BAZ2A: variants seen among roughly 807,000 people sequenced by gnomAD.
BAZ2A encodes bromodomain adjacent to zinc finger domain protein 2A.
A neutral mutation model predicts 199.9 loss-of-function variants in BAZ2A; 34 were observed. The ratio of observed to expected loss-of-function variants is 0.17; its 90% CI spans 0.13 to 0.23. The LOEUF (loss-of-function observed/expected upper bound fraction) is 0.23. Ranked by LOEUF, BAZ2A falls within the 10% of genes least tolerant of loss-of-function variation. The pLI, the probability that BAZ2A is intolerant of heterozygous loss-of-function variation, is 1.00. For synonymous variants in BAZ2A, 857 were observed against 883.9 expected (o/e 0.97, Z 0.54); for missense variants, 2,002 against 2,391.1 (o/e 0.84, Z 3.39).
Position 56,617,677 on chromosome 12 carries a change from A to G in BAZ2A, c.-2-145T>C, listed in dbSNP as rs997466866. On this transcript the variant is annotated intron_variant, in intron 1 of 28. Transcript: ENST00000549884. ...TACTGTGTGAGGGAAGGTACAGAAT[A>G]AGAAAAGAGAAGGAGAAAATATGCC... is the stretch of plus-strand genomic sequence containing the variant. The G allele has an allele frequency of 5.0e-5, 44 of 882,140 alleles. 1 individual carries two copies. In the Admixed American group the frequency reaches 6.5e-4, roughly 13 times the overall value. The allele number at this position is 882,140 out of a possible 1,614,324, so 54.6% of individuals were successfully genotyped here. A position where few individuals can be genotyped will look rare whatever the true frequency, so the allele number is the denominator to read the frequency against.
In BAZ2A at chr12:56,613,496, G is replaced by A. The variant is rs569229292; in HGVS notation, c.917-263C>T. Reference sequence around the variant, plus strand: ...AAGACCAGCCTGGACAACATAGCAAGACCTCATCTCTACAAGGTGAAAATG... The same window carrying A: ...AAGACCAGCCTGGACAACATAGCAAAACCTCATCTCTACAAGGTGAAAATG... On this transcript the variant is annotated intron_variant, in intron 4 of 28. Transcript: ENST00000549884. Among the ~76,000 whole-genome samples, 8 of 152,262 alleles carry A rather than the reference G, an allele frequency of 5.3e-5. 1 individual carries two copies. In the South Asian group the frequency reaches 1.7e-3, roughly 32 times the overall value.
At chr12:56,610,356 G>A in intron 8 of BAZ2A, 53 bp downstream of exon 8, 3 of 1,590,910 alleles carry the variant, frequency 1.9e-6, no homozygotes. Flanking sequence ...TTGGGCAGTG[G>A]AAAGGAGTCC....
intron 10 of BAZ2A, among the ~76,000 whole-genome samples, chr12:56,609,484 C>A (rs1316879296): frequency 1.3e-5 from 2 of 152,216 alleles, no homozygotes; most frequent in Non-Finnish European, 2.9e-5. Flanking sequence ...GTCCTCTCCT[C>A]TGGGCTAAAC....
intron 10 of BAZ2A, among the ~76,000 whole-genome samples, chr12:56,607,526 C>T (rs1306101828): frequency 1.3e-5 from 2 of 152,262 alleles, no homozygotes; most frequent in Admixed American, 1.3e-4. Context: ...CGCGTGCCAC[C>T]ACGCCCAGTT....
chr12:56,611,596 T>C lies in BAZ2A; in HGVS notation c.1647A>G (p.Glu549=). The C allele has an allele frequency of 6.2e-7, 1 of 1,613,166 alleles. No homozygotes were observed. Among genetic ancestry groups the C allele is most frequent in the Non-Finnish European group, 8.5e-7 (1 of 1,179,598 alleles). ...VMRRRIATPE[E]VRLPLQHGWR... is the part of the protein sequence containing the mutation. ...ACCCATGTTGGAGGGGAAGACGAACTTCTTCTGGGGTAGCAATACGTCTCC... is the reference window on the plus strand; with the variant it reads ...ACCCATGTTGGAGGGGAAGACGAACCTCTTCTGGGGTAGCAATACGTCTCC... Residue 549 remains glutamate (E), a synonymous_variant, in exon 7 of 29, where the codon GAA becomes GAG. Coordinates refer to ENST00000549884, the MANE Select transcript of BAZ2A (RefSeq NM_001300905.2).
chr12:56,634,819 G>A, upstream of BAZ2A: 8 of 831,808 alleles, frequency 9.6e-6, no homozygotes, highest in Non-Finnish European at 1.2e-5. Context: ...GGGGAGAGAG[G>A]AAGGGCAGCT....
rs56185332 is a variant in BAZ2A, at chr12:56,597,562, G to GCACACACACACACACACACACA, written c.*1055_*1056insTGTGTGTGTGTGTGTGTGTGTG. On this transcript the variant is annotated 3_prime_UTR_variant, in exon 29 of 29. Coordinates refer to ENST00000549884, the MANE Select transcript of BAZ2A (RefSeq NM_001300905.2). ...TCAAACAATACAGGGTCACAAGCAC[G>GCACACACACACACACACACACA]CACACACACACACACACACAGCGCG... 40 of 138,716 alleles carry GCACACACACACACACACACACA rather than the reference G, an allele frequency of 2.9e-4. 2 individuals are homozygous for GCACACACACACACACACACACA. Among genetic ancestry groups the GCACACACACACACACACACACA allele is most frequent in the Middle Eastern group, 3.5e-3 (1 of 288 alleles). 8.6% of individuals were successfully genotyped at this position (138,716 alleles called of 1,614,324 possible).
In BAZ2A at chr12:56,614,085, G is replaced by C. The variant is rs1407175776; in HGVS notation, c.784C>G (p.Gln262Glu). ...GSVPSVESLH[Q>E]EVSVLVPDPT... ...TCAGGGACCAGGACTGAGACCTCTT[G>C]GTGTAACGATTCCACAGAAGGGACA... The change falls in exon 4 of 29, where the codon CAA (glutamine) becomes GAA (glutamate). Residue 262 changes from glutamine to glutamate, a missense_variant. Gln to Glu is a conservative substitution (Grantham distance 29). Around this residue, in one of 6 missense-constraint regions of BAZ2A, gnomAD observed 641 missense variants for 694.5 expected, o/e 0.92. Transcript: ENST00000549884. The C allele has an allele frequency of 1.9e-6, 3 of 1,613,826 alleles. No individual in the cohort carries two copies. In the Admixed American group the frequency reaches 5.0e-5, roughly 27 times the overall value.
chr12:56,600,791 C>T lies in BAZ2A; in HGVS notation c.4492G>A (p.Gly1498Arg), dbSNP rs376675193. 1.2e-6 allele frequency: 2 copies of T among 1,613,928 alleles called. No individual in the cohort carries two copies. Among genetic ancestry groups the T allele is most frequent in the East Asian group, 2.2e-5 (1 of 44,878 alleles). ...EPRQLPAFQE[G>R]IMSWSPKEKT... ...TCTTTGGGGGACCAGCTCATAATCC[C>T]TTCTTGAAAGGCAGGTAGTTGCCTG... Residue 1498 changes from glycine to arginine, a missense_variant, in exon 23 of 29, where the codon GGG becomes AGG. Transcript: ENST00000549884.
intron 1 of BAZ2A, among the ~76,000 whole-genome samples, chr12:56,620,681 T>G (rs1276112058): frequency 1.3e-5 from 2 of 151,602 alleles, no homozygotes; most frequent in East Asian, 2.0e-4. Context: ...TGCCTCAGCC[T>G]CCCCAGCAGC....
At chr12:56,608,232 T>C (rs1220318228) in intron 10 of BAZ2A, among the ~76,000 whole-genome samples, 2 of 151,354 alleles carry the variant, frequency 1.3e-5, no homozygotes, top group Admixed American at 6.6e-5. Flanking sequence ...ATTAGCCAGG[T>C]GTGGTGGCGT....
At chr12:56,623,917 C>G (rs1028693385) in intron 1 of BAZ2A, among the ~76,000 whole-genome samples, 2 of 152,134 alleles carry the variant, frequency 1.3e-5, no homozygotes, top group Non-Finnish European at 2.9e-5. Flanking sequence ...GACGCTTTGG[C>G]TTTTGTATCT....
intron 1 of BAZ2A, chr12:56,621,003 C>T (rs1468400188): frequency 2.1e-6 from 2 of 939,672 alleles, no homozygotes; most frequent in East Asian, 1.2e-4. Flanking sequence ...CCTTCCAAAG[C>T]TTATACCACA....
Position 56,600,448 on chromosome 12 carries a change from C to A in BAZ2A, c.4645G>T (p.Ala1549Ser), listed in dbSNP as rs1194386918. The A allele has an allele frequency of 2.0e-5, 33 of 1,613,892 alleles. No individual in the cohort carries two copies. The highest frequency in any genetic ancestry group is 2.7e-5 in the Non-Finnish European group (32 of 1,179,874). Residue 1549 changes from alanine (A) to serine (S), a missense_variant, in exon 24 of 29, where the codon GCC becomes TCC. Transcript: ENST00000549884. Reference protein sequence around the residue: ...PSPDSTREDLAYCEHLSDSQE... With the variant: ...PSPDSTREDLSYCEHLSDSQE... ...GAGTCGGAGAGGTGCTCACAGTAGG[C>A]CAAGTCTTCACGGGTAGAGTCTGGG...
chr12:56,603,214 G>C, intron 18 of BAZ2A, 145 bp downstream of exon 18: 1 of 925,958 alleles, frequency 1.1e-6, no homozygotes, highest in Non-Finnish European at 1.6e-6. Context: ...GCTGCAGTGA[G>C]CCATGATCGT....
In BAZ2A at chr12:56,601,033, G is replaced by A. The variant is rs748303062; in HGVS notation, c.4360C>T (p.His1454Tyr). The change falls in exon 22 of 29, where the codon CAC becomes TAC. Residue 1454 changes from histidine (H) to tyrosine (Y), a missense_variant. Transcript: ENST00000549884. ...EMLDAMLKALHPRGIREKALH... is the reference protein window; with the variant it reads ...EMLDAMLKALYPRGIREKALH... ...GCCTTCTCCCGGATACCTCGGGGGT[G>A]TAGGGCCTTGAGCATGGCATCCAAC... is the stretch of plus-strand genomic sequence containing the variant. The A allele has an allele frequency of 3.7e-6, 6 of 1,610,708 alleles. No homozygotes were observed. The highest frequency in any genetic ancestry group is 5.1e-6 in the Non-Finnish European group (6 of 1,178,378).
intron 5 of BAZ2A, among the ~76,000 whole-genome samples, chr12:56,612,620 T>C (rs1950594607): frequency 6.6e-6 from 1 of 152,168 alleles, no homozygotes; most frequent in Non-Finnish European, 1.5e-5. Flanking sequence ...CAAGGTGCTC[T>C]TGCTTTCCTA....
At chr12:56,631,545 TCAAA>T (rs1463097443), upstream of BAZ2A, among the ~76,000 whole-genome samples, 1 of 151,954 alleles carries the variant, frequency 6.6e-6, no homozygotes, top group Non-Finnish European at 1.5e-5. Context: ...TTCTTCAATG[TCAAA>T]CAGTGGATAA....
chr12:56,616,087 A>G (rs1462313538), intron 2 of BAZ2A, among the ~76,000 whole-genome samples: 2 of 152,020 alleles, frequency 1.3e-5, no homozygotes, highest in Non-Finnish European at 2.9e-5. Context: ...TATTTTCAGT[A>G]GAGACGGGGT....
Sources: gnomAD v4.1 joint callset for allele counts (sites outside exome capture counted in the v4.1 genomes callset) on GRCh38, gnomAD v4.1.1 for gene constraint, gnomAD v4.1.1 regional missense constraint, MANE v1.5 for transcripts, NCBI Gene and HGNC (gene_info 2026-07-23, HGNC 2026-07-21) for gene names.